The following GRTP1 variants were observed in gnomAD, a reference collection of about 807,000 sequenced individuals.
The protein encoded by GRTP1 is growth hormone-regulated TBC protein 1.
A neutral mutation model predicts 38.1 loss-of-function variants in GRTP1; 56 were observed. The ratio of observed to expected loss-of-function variants is 1.47; its 90% confidence interval spans 1.19 to 1.84. GRTP1 has a LOEUF of 1.84. GRTP1 is among the 40% of genes most tolerant of loss of function. GRTP1 has a pLI of 0.00. For missense variants in GRTP1, 506 were observed against 453.9 expected, an observed-to-expected ratio of 1.11 and a Z score of -1.04; for synonymous variants, 217 against 189.5, an observed-to-expected ratio of 1.14 and a Z score of -1.19.
In GRTP1 at chr13:113,346,302, CTCTGTGGCA is replaced by C. The variant is rs1566429902; in HGVS notation, c.466-1352_466-1344del. Among the ~76,000 whole-genome samples the C allele has an allele frequency of 7.0e-4, 35 of 50,300 alleles. 1 individual carries two copies. The highest frequency in any genetic ancestry group is 8.6e-4 in the Non-Finnish European group (25 of 29,080). The allele number at this position is 50,300 out of a possible 152,430, so 33.0% of individuals were successfully genotyped here. On this transcript the variant is annotated intron_variant, in intron 4 of 7. Coordinates refer to ENST00000375431, the MANE Select transcript of GRTP1 (RefSeq NM_024719.4). ...TGTGGCTGAGCGGATCTGGGAGGAC[CTCTGTGGCA>C]GAGAGCAGACCCGGGAGGACCTCTG... is the stretch of plus-strand genomic sequence containing the variant.
At chr13:113,326,202 C>A in intron 5 of GRTP1, 111 bp from the exon 6 acceptor site, 1 of 1,341,092 alleles carries the variant, frequency 7.5e-7, no homozygotes, top group Non-Finnish European at 1.0e-6. Flanking sequence ...GGACCCCTCC[C>A]AAGAGGGAGG....
At chr13:113,325,228 G>A (rs2042741935) in intron 7 of GRTP1, 39 of 1,164,640 alleles carry the variant, frequency 3.3e-5, no homozygotes, top group Non-Finnish European at 4.1e-5. Context: ...TCCCTCTTAG[G>A]AAACTACTGA....
chr13:113,363,936 G>GCGTCCCC (rs761575558), intron 1 of GRTP1, 26 bp from the exon 2 acceptor site: 6 of 1,605,604 alleles, frequency 3.7e-6, no homozygotes, highest in Non-Finnish European at 5.1e-6. Context: ...AAGGAGGCCG[G>GCGTCCCC]CGTCCCCGAA....
chr13:113,326,974 G>A (rs1471159581), intron 5 of GRTP1, among the ~76,000 whole-genome samples: 4 of 152,184 alleles, frequency 2.6e-5, no homozygotes, highest in Non-Finnish European at 4.4e-5. Context: ...AGAGGTAAGC[G>A]GCCCTTGTGC....
intron 2 of GRTP1, among the ~76,000 whole-genome samples, chr13:113,357,578 T>C (rs1342342290): frequency 6.6e-6 from 1 of 152,020 alleles, no homozygotes; most frequent in Non-Finnish European, 1.5e-5. Flanking sequence ...TACAGGAACA[T>C]GAAAAACATG....
intron 4 of GRTP1, among the ~76,000 whole-genome samples, chr13:113,346,017 TGAGCAGACCTGGGAAGACATCTGTGGCC>T (rs2043102928): frequency 5.8e-5 from 5 of 86,858 alleles, no homozygotes; most frequent in East Asian, 3.5e-4. Context: ...CCTCTGCGGC[TGAGCAGACCTGGGAAGACATCTGTGGCC>T]GAGAGCAGAC....
chr13:113,324,804 G>C, intron 7 of GRTP1: 1 of 1,261,336 alleles, frequency 7.9e-7, no homozygotes, highest in South Asian at 2.4e-5. Context: ...AACGGTGGAA[G>C]AAAAGGCCAT....
chr13:113,324,384 G>A lies in GRTP1; in HGVS notation c.*104C>T, dbSNP rs1315939339. The A allele has an allele frequency of 2.2e-6, 3 of 1,389,166 alleles. No homozygotes were observed. Among genetic ancestry groups the A allele is most frequent in the African/African-American group, 3.0e-5 (2 of 67,350 alleles). The allele number at this position is 1,389,166 out of a possible 1,614,324, so 86.1% of individuals were successfully genotyped here. ...CACAACTAAAGTGTAGTGATGTCAA[G>A]TATTTACAACACTAAAAAGGAAAGC... On this transcript the variant is annotated 3_prime_UTR_variant, in exon 8 of 8. Transcript: ENST00000375431.
At chr13:113,325,053 C>T (rs1321309920) in intron 7 of GRTP1, 1 of 904,408 alleles carries the variant, frequency 1.1e-6, no homozygotes, top group African/African-American at 1.8e-5. Flanking sequence ...TGGTCTTGAA[C>T]TCCTGACCTC....
intron 5 of GRTP1, among the ~76,000 whole-genome samples, chr13:113,339,057 G>A (rs529516397): frequency 5.9e-5 from 9 of 152,130 alleles, no homozygotes; most frequent in Non-Finnish European, 1.3e-4. Context: ...GGGATTACAG[G>A]TGCACTGCAC....
chr13:113,333,766 C>T (rs566391119), intron 5 of GRTP1, among the ~76,000 whole-genome samples: 1 of 151,988 alleles, frequency 6.6e-6, no homozygotes, highest in African/African-American at 2.4e-5. Context: ...GCTGGGATTA[C>T]AGGCGAGAGC....
chr13:113,333,838 A>AGTGTGTGTGT (rs1555314877), intron 5 of GRTP1, among the ~76,000 whole-genome samples: 5 of 23,600 alleles, frequency 2.1e-4, no homozygotes, highest in South Asian at 3.0e-3. Context: ...TTATTTATTT[A>AGTGTGTGTGT]GTGTGTGTGT....
rs765249726 is a variant in GRTP1, at chr13:113,325,574, A to G, written c.921+87T>C. 32 of 1,604,250 alleles carry G rather than the reference A, an allele frequency of 2.0e-5. 1 individual carries two copies. The highest frequency in any genetic ancestry group is 1.3e-5 in the African/African-American group (1 of 74,738). ...ATGCCCACTGGTGCCCGTCCTGTGC[A>G]CCCTCCGGGTGGTCAGAGCAGCCCC... On this transcript the variant is annotated intron_variant, in intron 7 of 7. Transcript: ENST00000375431.
At chr13:113,333,874 T>TGTGTGCGC (rs33972835) in intron 5 of GRTP1, among the ~76,000 whole-genome samples, 12 of 135,344 alleles carry the variant, frequency 8.9e-5, no homozygotes, top group South Asian at 4.9e-4. Flanking sequence ...TGTGTGTGTG[T>TGTGTGCGC]CCGAGGCTGG....
At chr13:113,363,147 C>G (rs1445967889) in intron 2 of GRTP1, among the ~76,000 whole-genome samples, 1 of 152,166 alleles carries the variant, frequency 6.6e-6, no homozygotes, top group African/African-American at 2.4e-5. Flanking sequence ...GCGGTCAGGC[C>G]GGTGCTCACC....
intron 5 of GRTP1, among the ~76,000 whole-genome samples, chr13:113,326,995 C>T (rs1440797362): frequency 6.6e-6 from 1 of 152,210 alleles, no homozygotes; most frequent in African/African-American, 2.4e-5. Context: ...CACTGAACTG[C>T]ACAGGGGAAA....
intron 2 of GRTP1, among the ~76,000 whole-genome samples, chr13:113,360,913 C>A (rs2043483557): frequency 6.6e-6 from 1 of 152,030 alleles, no homozygotes; most frequent in Admixed American, 6.6e-5. Flanking sequence ...GAGTTCGAGA[C>A]CAGCCTGGCC....
At chr13:113,346,211 G>A (rs1359451081) in intron 4 of GRTP1, among the ~76,000 whole-genome samples, 1 of 124,930 alleles carries the variant, frequency 8.0e-6, no homozygotes, top group African/African-American at 3.3e-5. Flanking sequence ...GACCCGGGAG[G>A]ACCTCTGTGG....
chr13:113,363,926 A>G lies in GRTP1; in HGVS notation c.33-16T>C, dbSNP rs1282602444. ...CGGGTCGATCCTGCAAAACCGAGAG[A>G]AGGAGGCCGGCGTCCCCGAAGTTTC... On this transcript the variant is annotated splice_polypyrimidine_tract_variant and intron_variant, in intron 1 of 7. Coordinates refer to ENST00000375431, the MANE Select transcript of GRTP1 (RefSeq NM_024719.4). 51 of 1,606,244 alleles carry G rather than the reference A, an allele frequency of 3.2e-5. No homozygotes were observed. Among genetic ancestry groups the G allele is most frequent in the Non-Finnish European group, 4.2e-5 (50 of 1,176,766 alleles).
Sources: allele counts gnomAD v4.1 joint callset (sites outside exome capture counted in the v4.1 genomes callset), GRCh38; gene constraint gnomAD v4.1.1; transcripts MANE v1.5; gene names NCBI Gene and HGNC (gene_info 2026-07-23, HGNC 2026-07-21).